Variants in TBC1D5 observed in about 807,000 individuals in gnomAD.
The protein encoded by TBC1D5 is TBC1 domain family member 5.
Under a neutral mutation model 100.3 loss-of-function variants are expected in TBC1D5, and 75 were observed. The ratio of observed to expected loss-of-function variants is 0.75; its 90% confidence interval spans 0.62 to 0.91. TBC1D5 has a LOEUF of 0.91. TBC1D5 is among the 40% of genes least tolerant of loss of function. The probability of loss-of-function intolerance (pLI) is 0.00; values close to 1 mark genes in which losing one functional copy is unlikely to be tolerated. For missense variants in TBC1D5, 910 were observed against 942.4 expected, an observed-to-expected ratio of 0.97 and a Z score of 0.45; for synonymous variants, 323 against 325.6, an observed-to-expected ratio of 0.99 and a Z score of 0.09.
At chr3:17,598,661 G>A (rs997189867) in intron 2 of TBC1D5, among the ~76,000 whole-genome samples, 31 of 152,154 alleles carry the variant, frequency 2.0e-4, no homozygotes, top group Non-Finnish European at 4.3e-4. Flanking sequence ...CCAATGAAAA[G>A]TAGTCACTGT....
intron 3 of TBC1D5, among the ~76,000 whole-genome samples, chr3:17,470,650 G>A (rs770421089): frequency 1.3e-5 from 2 of 152,044 alleles, no homozygotes; most frequent in Non-Finnish European, 2.9e-5. Flanking sequence ...GGATGGGCAC[G>A]GTGGCTCACA....
At chr3:17,282,098 T>C (rs2080670665) in intron 15 of TBC1D5, among the ~76,000 whole-genome samples, 1 of 152,196 alleles carries the variant, frequency 6.6e-6, no homozygotes, top group Non-Finnish European at 1.5e-5. Flanking sequence ...TTAGAGATTA[T>C]AGGCTAATTA....
chr3:17,355,380 G>C (rs2091116699), intron 13 of TBC1D5, among the ~76,000 whole-genome samples: 1 of 152,114 alleles, frequency 6.6e-6, no homozygotes, highest in Non-Finnish European at 1.5e-5. Flanking sequence ...AATTAAAATA[G>C]TTCCAAGTAG....
At position 17,330,976 on chromosome 3, in the gene TBC1D5, C is replaced by A. The variant is rs185167972; in HGVS notation, c.996-22842G>T. Among the ~76,000 whole-genome samples, 100 of 152,222 alleles carry A rather than the reference C, an allele frequency of 6.6e-4. 3 individuals are homozygous for A. The highest frequency in any genetic ancestry group is 5.6e-3 in the South Asian group (27 of 4,816). On this transcript the variant is annotated intron_variant, in intron 13 of 21. Coordinates refer to ENST00000253692, the Ensembl canonical transcript of TBC1D5. ...TTAAGCTTTCTGATCCCTCCTTTTC[C>A]TCCCCATTCTCATTCTAGTCCAGGT... is the stretch of plus-strand genomic sequence containing the variant.
chr3:17,306,094 C>T (rs1197185112), intron 14 of TBC1D5, among the ~76,000 whole-genome samples: 1 of 143,326 alleles, frequency 7.0e-6, no homozygotes, highest in African/African-American at 2.6e-5. Flanking sequence ...ATATACATCC[C>T]TAATAAGCTG....
rs60889092 is a variant in TBC1D5, at chr3:17,591,233, C to CAAAAAAAAAAAAAAAAAAAAAAAAAAAAA, written c.-36+32587_-36+32615dup. Among the ~76,000 whole-genome samples, 6 of 18,662 alleles carry CAAAAAAAAAAAAAAAAAAAAAAAAAAAAA rather than the reference C, an allele frequency of 3.2e-4. 2 individuals are homozygous for CAAAAAAAAAAAAAAAAAAAAAAAAAAAAA. Among genetic ancestry groups the CAAAAAAAAAAAAAAAAAAAAAAAAAAAAA allele is most frequent in the Non-Finnish European group, 8.4e-4 (6 of 7,130 alleles). 12.2% of individuals were successfully genotyped at this position (18,662 alleles called of 152,430 possible). On this transcript the variant is annotated intron_variant, in intron 2 of 21. Transcript: ENST00000253692. ...ACTGGGCTACAAAGAAAGGATCTGTCAAAAAAAAAAAAAAAAAAAAAAAAA... is the reference window on the plus strand; with the variant it reads ...ACTGGGCTACAAAGAAAGGATCTGTCAAAAAAAAAAAAAAAAAAAAAAAAAAAAAAAAAAAAAAAAAAAAAAAAAAAAAA...
At chr3:17,393,987 A>G (rs1420354921) in intron 8 of TBC1D5, among the ~76,000 whole-genome samples, 1 of 152,186 alleles carries the variant, frequency 6.6e-6, no homozygotes, top group East Asian at 1.9e-4. Flanking sequence ...ATCTAATTAA[A>G]CTAAAGAGCT....
intron 1 of TBC1D5, among the ~76,000 whole-genome samples, chr3:17,687,047 A>G (rs1386110672): frequency 6.6e-6 from 1 of 152,104 alleles, no homozygotes; most frequent in Non-Finnish European, 1.5e-5. Context: ...ATCCTGGATA[A>G]AAAAAGTGTA....
intron 4 of TBC1D5, among the ~76,000 whole-genome samples, chr3:17,424,432 C>T (rs1458339212): frequency 6.6e-6 from 1 of 152,166 alleles, no homozygotes; most frequent in Non-Finnish European, 1.5e-5. Context: ...CTTTCACACC[C>T]ATTCATGTTC....
chr3:17,303,250 C>T (rs1416822005), intron 14 of TBC1D5, among the ~76,000 whole-genome samples: 3 of 152,216 alleles, frequency 2.0e-5, no homozygotes, highest in Admixed American at 1.3e-4. Flanking sequence ...TTCTTCCAAA[C>T]TATTGCTTCC....
chr3:17,231,186 T>C (rs1262854246), intron 17 of TBC1D5, among the ~76,000 whole-genome samples: 2 of 152,138 alleles, frequency 1.3e-5, no homozygotes, highest in African/African-American at 2.4e-5. Context: ...TAAAGCTTTT[T>C]GATTTGTGAA....
intron 3 of TBC1D5, among the ~76,000 whole-genome samples, chr3:17,442,440 C>T (rs1033344324): frequency 6.6e-6 from 1 of 152,172 alleles, no homozygotes; most frequent in African/African-American, 2.4e-5. Context: ...TTTCTCTCAT[C>T]ACTTTGCCAA....
At chr3:17,545,288 C>G (rs2096403996) in intron 2 of TBC1D5, among the ~76,000 whole-genome samples, 1 of 152,100 alleles carries the variant, frequency 6.6e-6, no homozygotes, top group Non-Finnish European at 1.5e-5. Flanking sequence ...TTTGGACTTG[C>G]ACAGAGGGAT....
At chr3:17,378,440 T>C (rs1183456478) in intron 9 of TBC1D5, among the ~76,000 whole-genome samples, 4 of 151,932 alleles carry the variant, frequency 2.6e-5, no homozygotes, top group Non-Finnish European at 5.9e-5. Context: ...TAAATTGTTA[T>C]AGTTTATTTA....
chr3:17,269,381 T>G (rs943977874), intron 15 of TBC1D5, among the ~76,000 whole-genome samples: 3 of 152,142 alleles, frequency 2.0e-5, no homozygotes, highest in Non-Finnish European at 2.9e-5. Context: ...AGCAGAGAGA[T>G]TTGTAGTGGT....
intron 2 of TBC1D5, among the ~76,000 whole-genome samples, chr3:17,529,839 T>A (rs1426922889): frequency 6.6e-6 from 1 of 151,966 alleles, no homozygotes; most frequent in Non-Finnish European, 1.5e-5. Context: ...TGAGATAAAA[T>A]TGGACGGAGC....
intron 1 of TBC1D5, among the ~76,000 whole-genome samples, chr3:17,626,713 T>C (rs1195288512): frequency 1.3e-5 from 2 of 151,968 alleles, no homozygotes; most frequent in South Asian, 2.1e-4. Flanking sequence ...ACAAAAAAAG[T>C]AGAAAGGCCA....
intron 13 of TBC1D5, among the ~76,000 whole-genome samples, chr3:17,312,917 C>G (rs2084217534): frequency 6.6e-6 from 1 of 152,146 alleles, no homozygotes; most frequent in South Asian, 2.1e-4. Flanking sequence ...GCTTTTGATG[C>G]TTGAACATTT....
intron 2 of TBC1D5, among the ~76,000 whole-genome samples, chr3:17,574,729 G>A (rs189532338): frequency 7.9e-5 from 12 of 152,098 alleles, no homozygotes; most frequent in African/African-American, 2.9e-4. Flanking sequence ...ACCTCAGGCT[G>A]AATTTAGAAA....
Sources: gnomAD v4.1 joint callset for allele counts (sites outside exome capture counted in the v4.1 genomes callset) on GRCh38, gnomAD v4.1.1 for gene constraint, MANE v1.5 for transcripts, NCBI Gene and HGNC (gene_info 2026-07-23, HGNC 2026-07-21) for gene names.